MYO3B: variants seen among roughly 807,000 people sequenced by gnomAD.
MYO3B encodes myosin-IIIb.
In MYO3B, 156 loss-of-function variants were observed where a neutral mutation model predicts 174.6. That is an observed-to-expected ratio of 0.89 (90% CI 0.78 to 1.02). The LOEUF (loss-of-function observed/expected upper bound fraction) is 1.02. Among genes scored for constraint, MYO3B ranks in the 50% least tolerant of loss-of-function variants. The pLI, the probability that MYO3B is intolerant of heterozygous loss-of-function variation, is 0.00. For synonymous variants in MYO3B, 563 were observed against 569.1 expected (o/e 0.99, Z 0.15); for missense variants, 1,632 against 1,639.4 (o/e 1.00, Z 0.08).
chr2:170,484,943 T>C (rs1685935494), intron 25 of MYO3B, among the ~76,000 whole-genome samples: 1 of 152,192 alleles, frequency 6.6e-6, no homozygotes, highest in South Asian at 2.1e-4. Context: ...CTCCATTATC[T>C]ACATAAGAGA....
intron 32 of MYO3B, among the ~76,000 whole-genome samples, chr2:170,613,887 TCCTCAG>T (rs1695277411): frequency 6.6e-6 from 1 of 152,170 alleles, no homozygotes; most frequent in South Asian, 2.1e-4. Context: ...CTCTCCTTGC[TCCTCAG>T]CCTGTAGATG....
intron 30 of MYO3B, among the ~76,000 whole-genome samples, chr2:170,536,395 C>T (rs972463832): frequency 6.6e-6 from 1 of 152,202 alleles, no homozygotes; most frequent in Non-Finnish European, 1.5e-5. Context: ...TTAGATATAA[C>T]TTGCATATTC....
At chr2:170,307,702 C>T (rs1456427290) in intron 7 of MYO3B, among the ~76,000 whole-genome samples, 1 of 152,208 alleles carries the variant, frequency 6.6e-6, no homozygotes, top group African/African-American at 2.4e-5. Flanking sequence ...AGCAGTATTA[C>T]AGCTTCATGA....
chr2:170,513,314 A>G (rs952961386), intron 28 of MYO3B, among the ~76,000 whole-genome samples: 3 of 152,198 alleles, frequency 2.0e-5, no homozygotes, highest in Admixed American at 6.5e-5. Flanking sequence ...TGTCAGCAAC[A>G]TTGGTTTCTA....
intron 29 of MYO3B, among the ~76,000 whole-genome samples, chr2:170,516,659 A>C (rs1054873199): frequency 2.0e-5 from 3 of 151,424 alleles, no homozygotes; most frequent in African/African-American, 7.3e-5. Context: ...AAAAAAAAAA[A>C]ATGTGAATGG....
chr2:170,337,672 C>T (rs967046002), intron 8 of MYO3B, among the ~76,000 whole-genome samples: 4 of 152,130 alleles, frequency 2.6e-5, no homozygotes, highest in Non-Finnish European at 5.9e-5. Flanking sequence ...TTTTGACTCT[C>T]CAAAACCTTA....
intron 6 of MYO3B, among the ~76,000 whole-genome samples, chr2:170,219,680 A>G (rs986420406): frequency 1.3e-5 from 2 of 152,052 alleles, no homozygotes; most frequent in African/African-American, 4.8e-5. Context: ...GAATGAATGC[A>G]TCCATCTGTA....
At chr2:170,633,988 C>G (rs1403542382) in intron 32 of MYO3B, among the ~76,000 whole-genome samples, 4 of 152,196 alleles carry the variant, frequency 2.6e-5, no homozygotes, top group African/African-American at 9.6e-5. Flanking sequence ...AATGGAAGAA[C>G]ATTCCATGCT....
chr2:170,632,849 T>TAAAC (rs1004563705), intron 32 of MYO3B, among the ~76,000 whole-genome samples: 13 of 152,184 alleles, frequency 8.5e-5, no homozygotes, highest in African/African-American at 2.9e-4. Context: ...GAGAATACTA[T>TAAAC]AAACACCTCT....
intron 32 of MYO3B, among the ~76,000 whole-genome samples, chr2:170,636,958 G>C (rs891317529): frequency 4.7e-4 from 3 of 6,362 alleles, no homozygotes; most frequent in South Asian, 8.4e-3. Flanking sequence ...GCTTTTGTGC[G>C]TGTGTGTGTG....
At chr2:170,545,927 G>A (rs1169517887) in intron 32 of MYO3B, among the ~76,000 whole-genome samples, 2 of 152,122 alleles carry the variant, frequency 1.3e-5, no homozygotes, top group South Asian at 2.1e-4. Context: ...ACTCTTCAGT[G>A]TCTCCCTAGT....
At chr2:170,476,218 G>C (rs1347964772) in intron 25 of MYO3B, among the ~76,000 whole-genome samples, 1 of 152,224 alleles carries the variant, frequency 6.6e-6, no homozygotes, top group African/African-American at 2.4e-5. Context: ...CACTCTCCAA[G>C]TAGTGTCTAG....
At chr2:170,269,045 G>A (rs950559854) in intron 7 of MYO3B, among the ~76,000 whole-genome samples, 3 of 152,178 alleles carry the variant, frequency 2.0e-5, no homozygotes, top group Non-Finnish European at 4.4e-5. Context: ...TTGAGGTGGG[G>A]CAGTTCTGCC....
chr2:170,606,677 C>A (rs745866997), intron 32 of MYO3B, among the ~76,000 whole-genome samples: 1 of 152,122 alleles, frequency 6.6e-6, no homozygotes, highest in Non-Finnish European at 1.5e-5. Flanking sequence ...TTTAGGAATG[C>A]GTAAATATTT....
chr2:170,559,310 T>C (rs1434028869), intron 32 of MYO3B, among the ~76,000 whole-genome samples: 2 of 152,208 alleles, frequency 1.3e-5, no homozygotes, highest in Non-Finnish European at 2.9e-5. Context: ...TTTAAATAAA[T>C]GGGAAAATAG....
chr2:170,639,998 T>G (rs1177326320), intron 32 of MYO3B, among the ~76,000 whole-genome samples: 1 of 152,246 alleles, frequency 6.6e-6, no homozygotes, highest in Non-Finnish European at 1.5e-5. Context: ...GAATTCCTTT[T>G]GTCCAGTGAA....
chr2:170,489,634 G>GGGGTGTGTGTGTGTGT (rs1553507396), intron 25 of MYO3B, among the ~76,000 whole-genome samples: 25 of 139,394 alleles, frequency 1.8e-4, no homozygotes, highest in Non-Finnish European at 3.2e-4. Context: ...AACCAGTAGG[G>GGGGTGTGTGTGTGTGT]GTGTGTGTGT....
intron 25 of MYO3B, among the ~76,000 whole-genome samples, chr2:170,474,741 C>T (rs551609184): frequency 8.8e-4 from 40 of 45,226 alleles, no homozygotes; most frequent in African/African-American, 3.4e-3. Flanking sequence ...GAAACTCCGT[C>T]TCAAAAAAAA....
intron 32 of MYO3B, among the ~76,000 whole-genome samples, chr2:170,619,626 A>T (rs1248852635): frequency 2.0e-5 from 3 of 151,348 alleles, no homozygotes; most frequent in Non-Finnish European, 4.4e-5. Context: ...CTGCGTTACC[A>T]TGTGGCAGCT....
Sources: gnomAD v4.1 joint callset for allele counts (sites outside exome capture counted in the v4.1 genomes callset) on GRCh38, gnomAD v4.1.1 for gene constraint, MANE v1.5 for transcripts, NCBI Gene and HGNC (gene_info 2026-07-23, HGNC 2026-07-21) for gene names.